Variants in GRIN2A observed in about 807,000 individuals in gnomAD.
GRIN2A encodes glutamate receptor ionotropic, NMDA 2A.
GRIN2A carries 22 observed loss-of-function variants against 113.4 expected under a neutral mutation model. The observed-to-expected ratio is 0.19, with a 90% confidence interval of 0.14 to 0.28. The LOEUF is 0.28. GRIN2A is among the 10% of genes least tolerant of loss of function. The pLI, the probability that GRIN2A is intolerant of heterozygous loss-of-function variation, is 1.00. For missense variants in GRIN2A, 1,502 were observed against 1,887.0 expected (o/e 0.80, Z 3.78); for synonymous variants, 827 against 738.4 (o/e 1.12, Z -1.94).
chr16:10,061,307 C>A (rs571773572), intron 2 of GRIN2A, among the ~76,000 whole-genome samples: 1 of 152,302 alleles, frequency 6.6e-6, no homozygotes, highest in African/African-American at 2.4e-5. Context: ...ACCTTGGCAA[C>A]CCTCAACCAC....
intron 2 of GRIN2A, among the ~76,000 whole-genome samples, chr16:10,150,287 T>C (rs1186995632): frequency 6.6e-6 from 1 of 152,196 alleles, no homozygotes; most frequent in East Asian, 1.9e-4. Context: ...ACCAAAACTT[T>C]AGGCACTGGC....
intron 2 of GRIN2A, among the ~76,000 whole-genome samples, chr16:9,980,923 G>A (rs957392515): frequency 6.6e-6 from 1 of 151,326 alleles, no homozygotes; most frequent in Non-Finnish European, 1.5e-5. Context: ...CACCAACATG[G>A]CACATGTACA....
At chr16:9,944,996 G>A (rs2044983656) in intron 2 of GRIN2A, among the ~76,000 whole-genome samples, 1 of 152,034 alleles carries the variant, frequency 6.6e-6, no homozygotes, top group Admixed American at 6.6e-5. Flanking sequence ...ACATTCTTAG[G>A]GGAGGAGACA....
chr16:9,967,748 G>A (rs200937383), intron 2 of GRIN2A, among the ~76,000 whole-genome samples: 1 of 151,910 alleles, frequency 6.6e-6, no homozygotes, highest in Non-Finnish European at 1.5e-5. Flanking sequence ...TTAGGGGTAG[G>A]GAAAGTTTGG....
chr16:9,912,969 C>T lies in GRIN2A; in HGVS notation c.1008-21869G>A, dbSNP rs149194618. On this transcript the variant is annotated intron_variant, in intron 3 of 12. Transcript: ENST00000330684. Reference sequence around the variant, plus strand: ...AGGTTATCTATCTAAACCAACAGAACTGCTCCCTCTGCCCTTGGCCTCGCC... The same window carrying T: ...AGGTTATCTATCTAAACCAACAGAATTGCTCCCTCTGCCCTTGGCCTCGCC... 3.4e-3 allele frequency among the ~76,000 whole-genome samples: 513 copies of T among 152,372 alleles called. 4 individuals carry two copies. The highest frequency in any genetic ancestry group is 0.011 in the African/African-American group (471 of 41,596).
At chr16:9,869,519 T>C (rs899239570) in intron 4 of GRIN2A, among the ~76,000 whole-genome samples, 1 of 152,156 alleles carries the variant, frequency 6.6e-6, no homozygotes, top group African/African-American at 2.4e-5. Flanking sequence ...TTATCAACTA[T>C]AATTATCTCT....
At chr16:9,929,084 C>T (rs973307968) in intron 3 of GRIN2A, among the ~76,000 whole-genome samples, 1 of 152,194 alleles carries the variant, frequency 6.6e-6, no homozygotes, top group Non-Finnish European at 1.5e-5. Context: ...TTCTCCTTTC[C>T]CTTGGAGGAT....
chr16:10,172,302 G>A (rs2050057576), intron 2 of GRIN2A, among the ~76,000 whole-genome samples: 1 of 152,236 alleles, frequency 6.6e-6, no homozygotes, highest in South Asian at 2.1e-4. Flanking sequence ...GCTGCCTGGA[G>A]TACTGTGTTG....
intron 2 of GRIN2A, among the ~76,000 whole-genome samples, chr16:10,081,377 C>A (rs1047371883): frequency 2.0e-5 from 3 of 152,152 alleles, no homozygotes; most frequent in Non-Finnish European, 4.4e-5. Flanking sequence ...CTTACATATG[C>A]CCCCAGAAAG....
At chr16:9,900,983 G>A (rs535124893) in intron 3 of GRIN2A, among the ~76,000 whole-genome samples, 73 of 152,326 alleles carry the variant, frequency 4.8e-4, no homozygotes, top group African/African-American at 1.6e-3. Context: ...GTGCGTGCAT[G>A]TTGCTCTTCC....
intron 2 of GRIN2A, among the ~76,000 whole-genome samples, chr16:10,081,123 C>A (rs954460652): frequency 6.6e-6 from 1 of 152,140 alleles, no homozygotes. Context: ...TAAATATCTA[C>A]CATGGGGCAA....
At chr16:9,808,023 G>T (rs2042015898) in intron 10 of GRIN2A, among the ~76,000 whole-genome samples, 1 of 152,204 alleles carries the variant, frequency 6.6e-6, no homozygotes, top group African/African-American at 2.4e-5. Context: ...TTTCTGGAAT[G>T]CTACTCTTTA....
chr16:10,100,307 G>A (rs961176546), intron 2 of GRIN2A, among the ~76,000 whole-genome samples: 1 of 152,368 alleles, frequency 6.6e-6, no homozygotes, highest in Admixed American at 6.5e-5. Flanking sequence ...ACTGGCTTCA[G>A]TAGAGAGGAT....
At chr16:9,871,886 T>G (rs1014103709) in intron 4 of GRIN2A, among the ~76,000 whole-genome samples, 1 of 152,148 alleles carries the variant, frequency 6.6e-6, no homozygotes, top group Non-Finnish European at 1.5e-5. Context: ...TTTGTAGAAT[T>G]TGATTGAAGA....
At chr16:10,000,677 C>CA (rs1478376987) in intron 2 of GRIN2A, among the ~76,000 whole-genome samples, 1 of 152,150 alleles carries the variant, frequency 6.6e-6, no homozygotes, top group East Asian at 1.9e-4. Flanking sequence ...GACAAAAAAA[C>CA]AAAGATTCTT....
chr16:9,756,900 T>A lies in GRIN2A; in HGVS notation c.*6249A>T. 1 of 186,258 alleles carries A rather than the reference T, an allele frequency of 5.4e-6. No individual in the cohort carries two copies. 11.5% of individuals were successfully genotyped at this position (186,258 alleles called of 1,614,324 possible). On this transcript the variant is annotated 3_prime_UTR_variant, in exon 13 of 13. Transcript: ENST00000330684. ...TGCCATCTCTTTGCCCCGTTTTCTC[T>A]CTAGGGAACCTGATGCTTTCTGTCA... is the stretch of plus-strand genomic sequence containing the variant.
At chr16:10,041,154 A>G (rs908416930) in intron 2 of GRIN2A, among the ~76,000 whole-genome samples, 1 of 152,242 alleles carries the variant, frequency 6.6e-6, no homozygotes, top group Non-Finnish European at 1.5e-5. Flanking sequence ...AGTGAAGGGA[A>G]TGTGTAAGAC....
intron 2 of GRIN2A, among the ~76,000 whole-genome samples, chr16:10,132,097 T>G (rs1036199536): frequency 1.3e-5 from 2 of 152,070 alleles, no homozygotes; most frequent in Admixed American, 1.3e-4. Context: ...TTTGGGAGAC[T>G]CAGGCAGGCA....
chr16:9,905,177 C>T (rs2141530855), intron 3 of GRIN2A, among the ~76,000 whole-genome samples: 1 of 152,298 alleles, frequency 6.6e-6, no homozygotes, highest in East Asian at 1.9e-4. Flanking sequence ...GTGGTCCTTT[C>T]TCTGCAATCA....
Sources: allele counts gnomAD v4.1 joint callset (sites outside exome capture counted in the v4.1 genomes callset), GRCh38; gene constraint gnomAD v4.1.1; transcripts MANE v1.5; gene names NCBI Gene and HGNC (gene_info 2026-07-23, HGNC 2026-07-21).